RPIA: variants seen among roughly 807,000 people sequenced by gnomAD.
RPIA encodes the protein ribose 5-phosphate isomerase A.
Under a neutral mutation model 37.8 loss-of-function variants are expected in RPIA, and 29 were observed. The ratio of observed to expected loss-of-function variants is 0.77; its 90% CI spans 0.57 to 1.05. RPIA has a LOEUF of 1.05. Ranked by LOEUF, RPIA falls within the 50% of genes least tolerant of loss-of-function variation. RPIA has a pLI of 0.00. For missense variants in RPIA, 385 were observed against 413.6 expected (o/e 0.93, Z 0.60); for synonymous variants, 167 against 157.0 (o/e 1.06, Z -0.48).
chr2:88,700,957 G>A (rs1573460544), intron 3 of RPIA, among the ~76,000 whole-genome samples: 1 of 152,274 alleles, frequency 6.6e-6, no homozygotes, highest in South Asian at 2.1e-4. Context: ...GGGACTTTAT[G>A]GACTTAGGCT....
intron 5 of RPIA, among the ~76,000 whole-genome samples, chr2:88,735,125 T>G (rs1673299426): frequency 6.6e-6 from 1 of 152,198 alleles, no homozygotes; most frequent in African/African-American, 2.4e-5. Context: ...GACTATTGAG[T>G]GATGCAGCAT....
At chr2:88,720,539 A>T (rs1021735030) in intron 3 of RPIA, among the ~76,000 whole-genome samples, 1 of 151,662 alleles carries the variant, frequency 6.6e-6, no homozygotes, top group Non-Finnish European at 1.5e-5. Context: ...AAATGGTGAG[A>T]TGTAATAAAT....
intron 4 of RPIA, among the ~76,000 whole-genome samples, chr2:88,734,186 A>G (rs1673286677): frequency 6.7e-6 from 1 of 150,306 alleles, no homozygotes; most frequent in Non-Finnish European, 1.5e-5. Flanking sequence ...TGTAATGTCT[A>G]AGATTTTTTA....
At chr2:88,704,791 A>G (rs1464893636) in intron 3 of RPIA, among the ~76,000 whole-genome samples, 1 of 152,226 alleles carries the variant, frequency 6.6e-6, no homozygotes, top group Non-Finnish European at 1.5e-5. Flanking sequence ...CTCTGTTTGC[A>G]GATGACATGA....
intron 3 of RPIA, among the ~76,000 whole-genome samples, chr2:88,716,994 T>TA (rs1167410292): frequency 1.3e-5 from 2 of 152,180 alleles, no homozygotes. Context: ...GATTTAATGC[T>TA]AGTAGATACA....
chr2:88,729,212 A>G (rs1558697559), intron 3 of RPIA, 66 bp from the exon 4 acceptor site: 3 of 1,541,934 alleles, frequency 1.9e-6, no homozygotes, highest in Admixed American at 1.7e-5. Flanking sequence ...AATCCAGAAG[A>G]ATTCTGAGAA....
At chr2:88,724,366 G>A (rs1673171389) in intron 3 of RPIA, among the ~76,000 whole-genome samples, 1 of 152,092 alleles carries the variant, frequency 6.6e-6, no homozygotes, top group Non-Finnish European at 1.5e-5. Context: ...GAGTGCAGTG[G>A]TGTGATCTCG....
chr2:88,735,570 G>T, intron 5 of RPIA, 99 bp from the exon 6 acceptor site: 1 of 1,056,712 alleles, frequency 9.5e-7, no homozygotes, highest in South Asian at 1.3e-5. Context: ...TTCTCTTTAA[G>T]TGCCAGGATT....
At chr2:88,700,872 ATC>A (rs1327516993) in intron 3 of RPIA, among the ~76,000 whole-genome samples, 3 of 152,166 alleles carry the variant, frequency 2.0e-5, no homozygotes, top group African/African-American at 4.8e-5. Flanking sequence ...TATGTGTATA[ATC>A]TCTCGCTGGA....
chr2:88,700,494 A>T (rs550623441), intron 3 of RPIA, among the ~76,000 whole-genome samples: 5 of 152,282 alleles, frequency 3.3e-5, no homozygotes, highest in African/African-American at 9.6e-5. Context: ...TCTACAAAAA[A>T]TACAAAAATT....
In RPIA at chr2:88,694,823, C is replaced by T. The variant is rs143737614; in HGVS notation, c.285+2840C>T. 1.1e-4 allele frequency among the ~76,000 whole-genome samples: 16 copies of T among 152,198 alleles called. No homozygotes were observed. In the East Asian group the frequency reaches 2.9e-3, roughly 28 times the overall value. ...GTTCCATACCCTGGAGGAAGGAATG[C>T]TGCAGGTGAAGAAGAATCTGAACAG... On this transcript the variant is annotated intron_variant, in intron 1 of 8. Coordinates refer to ENST00000283646, the MANE Select transcript of RPIA (RefSeq NM_144563.3).
intron 8 of RPIA, among the ~76,000 whole-genome samples, chr2:88,740,233 T>G (rs1048502111): frequency 2.0e-5 from 3 of 152,166 alleles, no homozygotes; most frequent in African/African-American, 7.2e-5. Flanking sequence ...CTTGGCTGCT[T>G]AAGGTTCTGA....
At chr2:88,717,685 A>T (rs2104104617) in intron 3 of RPIA, among the ~76,000 whole-genome samples, 1 of 152,246 alleles carries the variant, frequency 6.6e-6, no homozygotes, top group East Asian at 1.9e-4. Flanking sequence ...CCTTTCTTTT[A>T]AAAAATCTTT....
chr2:88,729,573 G>C (rs1021091816), intron 4 of RPIA, among the ~76,000 whole-genome samples: 1 of 152,196 alleles, frequency 6.6e-6, no homozygotes, highest in Non-Finnish European at 1.5e-5. Flanking sequence ...TGAATGTAGT[G>C]AAGGGAAGTG....
chr2:88,720,936 T>C (rs1673113504), intron 3 of RPIA, among the ~76,000 whole-genome samples: 1 of 152,184 alleles, frequency 6.6e-6, no homozygotes, highest in Admixed American at 6.5e-5. Flanking sequence ...TGCAGCACTA[T>C]TCACAATAGC....
chr2:88,729,125 A>G (rs1335731204), intron 3 of RPIA, among the ~76,000 whole-genome samples, 153 bp from the exon 4 acceptor site: 2 of 152,204 alleles, frequency 1.3e-5, no homozygotes, highest in Non-Finnish European at 2.9e-5. Context: ...TTTGCCATTC[A>G]TGGGGCTAGA....
rs770557993 is a variant in RPIA at position 88,698,548 on chromosome 2, T to G, written c.346+4T>G. The G allele has an allele frequency of 1.2e-6, 2 of 1,612,940 alleles. No homozygotes were observed. Among genetic ancestry groups the G allele is most frequent in the Admixed American group, 1.7e-5 (1 of 60,034 alleles). ...GTCCATGCTGTGCAGCGAATAGGTA[T>G]GCTCTCTCACTGTCTACTGGATGTT... is the stretch of plus-strand genomic sequence containing the variant. On this transcript the variant is annotated splice_donor_region_variant and intron_variant, in intron 2 of 8. Transcript: ENST00000283646.
intron 2 of RPIA, 139 bp downstream of exon 2, chr2:88,698,683 G>A (rs1026123077): frequency 5.1e-5 from 41 of 802,826 alleles, no homozygotes; most frequent in Non-Finnish European, 9.0e-5. Flanking sequence ...GGGACTACCT[G>A]AGGTCAGTTG....
At chr2:88,708,481 G>T (rs1374178833) in intron 3 of RPIA, among the ~76,000 whole-genome samples, 1 of 152,196 alleles carries the variant, frequency 6.6e-6, no homozygotes, top group Non-Finnish European at 1.5e-5. Flanking sequence ...TGGTATTTAA[G>T]ATCTTCGTCT....
Sources: gnomAD v4.1 joint callset for allele counts (sites outside exome capture counted in the v4.1 genomes callset) on GRCh38, gnomAD v4.1.1 for gene constraint, MANE v1.5 for transcripts, NCBI Gene and HGNC (gene_info 2026-07-23, HGNC 2026-07-21) for gene names.